The following LRRC37A2 variants were observed in gnomAD, a reference collection of about 807,000 sequenced individuals.
LRRC37A2 encodes leucine-rich repeat-containing protein 37A2.
Under a neutral mutation model 68.8 loss-of-function variants are expected in LRRC37A2, and 9 were observed. The observed-to-expected ratio is 0.13, with a 90% CI of 0.08 to 0.23. The LOEUF (loss-of-function observed/expected upper bound fraction) is 0.23. LRRC37A2 is among the 10% of genes least tolerant of loss of function. LRRC37A2 has a pLI of 1.00. For synonymous variants in LRRC37A2, 63 were observed against 367.6 expected, an observed-to-expected ratio of 0.17 and a Z score of 9.48; for missense variants, 168 against 950.4, an observed-to-expected ratio of 0.18 and a Z score of 10.82.
chr17:46,772,189 G>A, the LRRC37A2 span, among the ~76,000 whole-genome samples: 2 of 152,296 alleles, frequency 1.3e-5, no homozygotes, highest in East Asian at 1.9e-4. Context: ...ATGCGCTCGC[G>A]GCGTCTTCCG....
the LRRC37A2 span, chr17:46,938,705 G>A: frequency 6.2e-7 from 1 of 1,614,004 alleles, no homozygotes; most frequent in Non-Finnish European, 8.5e-7. Flanking sequence ...TTTATGATAG[G>A]TGGGATGCTG....
At chr17:46,978,544 C>A in the LRRC37A2 span, 10 of 1,421,288 alleles carry the variant, frequency 7.0e-6, no homozygotes, top group Non-Finnish European at 9.3e-6. Context: ...CACGTAGCTG[C>A]CCGCCCGGAG....
chr17:46,773,409 C>A, the LRRC37A2 span, among the ~76,000 whole-genome samples: 1 of 152,086 alleles, frequency 6.6e-6, no homozygotes, highest in Admixed American at 6.6e-5. Context: ...GCCTGAGGCG[C>A]CCACTGTGCA....
chr17:46,417,044 G>A, the LRRC37A2 span, among the ~76,000 whole-genome samples: 1 of 150,130 alleles, frequency 6.7e-6, no homozygotes, highest in Non-Finnish European at 1.5e-5. Context: ...GTTGCGGTGA[G>A]TTGAGATCGT....
chr17:46,850,143 C>T, the LRRC37A2 span, among the ~76,000 whole-genome samples: 2 of 152,300 alleles, frequency 1.3e-5, no homozygotes, highest in African/African-American at 4.8e-5. Context: ...AGCCAACGTG[C>T]CTGGCCAGCA....
the LRRC37A2 span, among the ~76,000 whole-genome samples, chr17:46,958,063 G>A: frequency 2.0e-5 from 3 of 152,166 alleles, no homozygotes; most frequent in East Asian, 1.9e-4. Flanking sequence ...ACTGGCCGGG[G>A]GTCACCTCAC....
At chr17:46,977,750 C>G in the LRRC37A2 span, among the ~76,000 whole-genome samples, 16 of 152,232 alleles carry the variant, frequency 1.1e-4, no homozygotes, top group African/African-American at 4.8e-5. Context: ...CAAAGCAAGC[C>G]CTTAGAAGGG....
chr17:46,720,111 T>C, the LRRC37A2 span, among the ~76,000 whole-genome samples: 1 of 152,302 alleles, frequency 6.6e-6, no homozygotes, highest in South Asian at 2.1e-4. Context: ...GAGCTGGAAA[T>C]TGGATCTTTT....
At chr17:46,839,976 C>CTTTTTTCTT in the LRRC37A2 span, among the ~76,000 whole-genome samples, 9 of 100,938 alleles carry the variant, frequency 8.9e-5, no homozygotes, top group Non-Finnish European at 1.9e-4. Context: ...TTCTTTCTTT[C>CTTTTTTCTT]TCTTCTTTCT....
the LRRC37A2 span, among the ~76,000 whole-genome samples, chr17:46,982,349 TAAAGG>T: frequency 6.6e-6 from 1 of 152,166 alleles, no homozygotes; most frequent in African/African-American, 2.4e-5. Context: ...CTGCCTGATG[TAAAGG>T]AAAGGGGTGG....
At chr17:46,585,301 G>C in the LRRC37A2 span, among the ~76,000 whole-genome samples, 3 of 130,196 alleles carry the variant, frequency 2.3e-5, no homozygotes, top group Non-Finnish European at 4.9e-5. Flanking sequence ...CTGGGCAACA[G>C]AGCAAGACTC....
At chr17:46,720,450 A>C in the LRRC37A2 span, among the ~76,000 whole-genome samples, 2 of 152,226 alleles carry the variant, frequency 1.3e-5, no homozygotes, top group Admixed American at 1.3e-4. Context: ...AAGCAGGGAG[A>C]ACAAATAAAG....
At chr17:46,687,768 A>T in the LRRC37A2 span, among the ~76,000 whole-genome samples, 1 of 112,356 alleles carries the variant, frequency 8.9e-6, no homozygotes. Context: ...ATAGTACTAT[A>T]ACTTCTGCTT....
At chr17:46,762,817 T>C in the LRRC37A2 span, 1 of 152,186 alleles carries the variant, frequency 6.6e-6, no homozygotes, top group Non-Finnish European at 1.5e-5. Context: ...AAATAATTAC[T>C]TGTCAGCTAC....
chr17:46,833,501 T>G, the LRRC37A2 span: 1 of 459,988 alleles, frequency 2.2e-6, no homozygotes, highest in South Asian at 1.5e-5. Flanking sequence ...GTCACCTCAC[T>G]GCCTGACTTC....
chr17:46,988,086 C>T, the LRRC37A2 span, among the ~76,000 whole-genome samples: 11 of 152,170 alleles, frequency 7.2e-5, no homozygotes, highest in Admixed American at 5.9e-4. Context: ...GTAGGACAAT[C>T]GCTTGAACTT....
the LRRC37A2 span, among the ~76,000 whole-genome samples, chr17:46,848,341 G>A: frequency 1.3e-5 from 2 of 152,212 alleles, no homozygotes; most frequent in Non-Finnish European, 2.9e-5. Context: ...CACAAACCAG[G>A]GTTATAAGCT....
chr17:46,838,989 T>G, the LRRC37A2 span, among the ~76,000 whole-genome samples: 1 of 152,224 alleles, frequency 6.6e-6, no homozygotes, highest in African/African-American at 2.4e-5. Context: ...GCCATTCTCC[T>G]GCCTCAGCCT....
At position 46,554,123 on chromosome 17, in the gene LRRC37A2, A is replaced by G. The variant is rs559327681; in HGVS notation, c.4859+674A>G. On this transcript the variant is annotated intron_variant, in intron 12 of 14. Transcript: ENST00000576629. ...TTACTGGTTTTTGGGCCCCTACTCT[A>G]TTCCTTTTATGCAAACCTCACAGAA... 49 of 837,046 alleles carry G rather than the reference A, an allele frequency of 5.9e-5. No individual in the cohort carries two copies. The African/African-American group carries it at 1.1e-3, about 19-fold the overall frequency. 51.9% of individuals were successfully genotyped at this position (837,046 alleles called of 1,614,324 possible).
Sources: gnomAD v4.1 joint callset for allele counts (sites outside exome capture counted in the v4.1 genomes callset) on GRCh38, gnomAD v4.1.1 for gene constraint, MANE v1.5 for transcripts, NCBI Gene and HGNC (gene_info 2026-07-23, HGNC 2026-07-21) for gene names.